The following OR1J2 variants were observed in gnomAD, a reference collection of about 807,000 sequenced individuals.
OR1J2 encodes olfactory receptor 1J2.
For missense variants in OR1J2, 304 were observed against 246.1 expected (o/e 1.24, Z -1.57); for synonymous variants, 142 against 99.7 (o/e 1.42, Z -2.52).
At chr9:122,462,931 C>T in the OR1J2 span, among the ~76,000 whole-genome samples, 1 of 152,270 alleles carries the variant, frequency 6.6e-6, no homozygotes, top group African/African-American at 2.4e-5. Context: ...ATGCATTTCC[C>T]AGTGTTCTTT....
the OR1J2 span, among the ~76,000 whole-genome samples, chr9:122,483,448 CATAG>C: frequency 3.3e-5 from 5 of 152,122 alleles, no homozygotes; most frequent in East Asian, 1.9e-4. Context: ...TATGTGTCTA[CATAG>C]ATAGATATTT....
chr9:122,499,616 C>T, the OR1J2 span, among the ~76,000 whole-genome samples: 361 of 152,252 alleles, frequency 2.4e-3, no homozygotes, highest in African/African-American at 8.1e-3. Context: ...CTCCCTGCAC[C>T]AGGATCTCTG....
chr9:122,575,508 ATTTTCTTTT>A, the OR1J2 span, among the ~76,000 whole-genome samples: 1 of 151,804 alleles, frequency 6.6e-6, no homozygotes, highest in African/African-American at 2.4e-5. Flanking sequence ...GTATTTCTTT[ATTTTCTTTT>A]AATGTCCATG....
At chr9:122,450,016 A>G in the OR1J2 span, among the ~76,000 whole-genome samples, 1 of 152,246 alleles carries the variant, frequency 6.6e-6, no homozygotes, top group South Asian at 2.1e-4. Flanking sequence ...ATATTAATTG[A>G]CAAATAATAA....
the OR1J2 span, chr9:122,478,009 A>G: frequency 1.1e-6 from 1 of 898,698 alleles, no homozygotes; most frequent in Non-Finnish European, 1.7e-6. Context: ...ACTGTGGCAT[A>G]GTATAATAGA....
the OR1J2 span, among the ~76,000 whole-genome samples, chr9:122,504,653 A>C: frequency 6.6e-6 from 1 of 151,960 alleles, no homozygotes; most frequent in Non-Finnish European, 1.5e-5. Context: ...CATACATGTC[A>C]TTTCTCTGTC....
chr9:122,462,111 C>T, the OR1J2 span, among the ~76,000 whole-genome samples: 1 of 152,084 alleles, frequency 6.6e-6, no homozygotes, highest in African/African-American at 2.4e-5. Context: ...GTGTTAGGTG[C>T]ATATATATGT....
At chr9:122,473,368 C>T in the OR1J2 span, among the ~76,000 whole-genome samples, 49 of 152,266 alleles carry the variant, frequency 3.2e-4, no homozygotes, top group Non-Finnish European at 6.3e-4. Flanking sequence ...GCCCTAGAGA[C>T]GTGCAATGGA....
chr9:122,539,420 C>T, the OR1J2 span, among the ~76,000 whole-genome samples: 3 of 152,132 alleles, frequency 2.0e-5, no homozygotes, highest in Non-Finnish European at 4.4e-5. Flanking sequence ...CAGCTTCACC[C>T]ATGTCCCTAC....
the OR1J2 span, among the ~76,000 whole-genome samples, chr9:122,550,766 A>C: frequency 6.6e-6 from 1 of 152,262 alleles, no homozygotes; most frequent in South Asian, 2.1e-4. Flanking sequence ...AATAAAAGCC[A>C]TATGTGACAA....
At chr9:122,535,488 GGAATT>G in the OR1J2 span, among the ~76,000 whole-genome samples, 1 of 152,134 alleles carries the variant, frequency 6.6e-6, no homozygotes, top group African/African-American at 2.4e-5. Flanking sequence ...GAAAATGAAA[GGAATT>G]GAAATTAAGA....
At chr9:122,460,344 T>C in the OR1J2 span, among the ~76,000 whole-genome samples, 1 of 152,186 alleles carries the variant, frequency 6.6e-6, no homozygotes, top group African/African-American at 2.4e-5. Flanking sequence ...TTGCCAATGA[T>C]CCCAGCATGA....
the OR1J2 span, chr9:122,519,446 T>A: frequency 6.2e-7 from 1 of 1,614,098 alleles, no homozygotes; most frequent in Non-Finnish European, 8.5e-7. Context: ...CTCAGATGTA[T>A]TTTTTCATAT....
chr9:122,452,666 A>T, the OR1J2 span, among the ~76,000 whole-genome samples: 1 of 151,994 alleles, frequency 6.6e-6, no homozygotes, highest in East Asian at 1.9e-4. Context: ...TCCCATGGGG[A>T]TTGGAGGTGG....
downstream of OR1J2, among the ~76,000 whole-genome samples, chr9:122,515,338 T>C (rs1052803700): frequency 7.6e-6 from 1 of 132,334 alleles, no homozygotes; most frequent in Non-Finnish European, 1.6e-5. Flanking sequence ...TGGGTATCCT[T>C]CTCCAGGAGC....
At chr9:122,556,731 A>G in the OR1J2 span, among the ~76,000 whole-genome samples, 3 of 152,132 alleles carry the variant, frequency 2.0e-5, no homozygotes, top group Admixed American at 6.5e-5. Context: ...GTTCTTCCAT[A>G]ATGTGTTAGC....
chr9:122,522,912 C>T, the OR1J2 span, among the ~76,000 whole-genome samples: 1 of 152,196 alleles, frequency 6.6e-6, no homozygotes. Context: ...TTTTGCATGG[C>T]TACTGTGTGT....
upstream of OR1J2, among the ~76,000 whole-genome samples, chr9:122,507,091 G>C (rs1828534114): frequency 6.6e-6 from 1 of 152,108 alleles, no homozygotes; most frequent in East Asian, 1.9e-4. Context: ...ACACAAATAT[G>C]GTGCCTTATC....
chr9:122,553,915 G>A, the OR1J2 span: 1 of 1,613,636 alleles, frequency 6.2e-7, no homozygotes, highest in Non-Finnish European at 8.5e-7. Flanking sequence ...TCATCTCCTG[G>A]AGGGAGATGG....
Sources: allele counts gnomAD v4.1 joint callset (sites outside exome capture counted in the v4.1 genomes callset), GRCh38; gene constraint gnomAD v4.1.1; transcripts MANE v1.5; gene names NCBI Gene and HGNC (gene_info 2026-07-23, HGNC 2026-07-21).